The following KCNQ1 variants were observed in gnomAD, a reference collection of about 807,000 sequenced individuals.
KCNQ1 encodes potassium voltage-gated channel subfamily KQT member 1.
KCNQ1 carries 49 observed loss-of-function variants against 72.4 expected under a neutral mutation model. The ratio of observed to expected loss-of-function variants is 0.68; its 90% confidence interval spans 0.54 to 0.86. The LOEUF (loss-of-function observed/expected upper bound fraction) is 0.86. Ranked by LOEUF, KCNQ1 falls within the 40% of genes least tolerant of loss-of-function variation. The pLI, the probability that KCNQ1 is intolerant of heterozygous loss-of-function variation, is 0.00. For synonymous variants in KCNQ1, 450 were observed against 412.6 expected (o/e 1.09, Z -1.10); for missense variants, 790 against 945.1 (o/e 0.84, Z 2.15).
In KCNQ1 at chr11:2,815,978, G is replaced by T. The variant is rs1847605301; in HGVS notation, c.1795-31789G>T. Among the ~76,000 whole-genome samples, 1 of 152,254 alleles carries T rather than the reference G, an allele frequency of 6.6e-6. No individual in the cohort carries two copies. The highest frequency in any genetic ancestry group is 1.5e-5 in the Non-Finnish European group (1 of 68,048). ...ACCAGCCAGCTGGATATGTTCCCTTGCAGGCGGGCAGGGCTCTGGGGAGTC... is the reference window on the plus strand; with the variant it reads ...ACCAGCCAGCTGGATATGTTCCCTTTCAGGCGGGCAGGGCTCTGGGGAGTC... On this transcript the variant is annotated intron_variant, in intron 15 of 15. Transcript: ENST00000155840. The surrounding 1 kb of genome is among the most constrained non-coding windows in gnomAD (Gnocchi z 5.4).
chr11:2,827,497 C>T lies in KCNQ1; in HGVS notation c.1795-20270C>T, dbSNP rs919278967. Among the ~76,000 whole-genome samples the T allele has an allele frequency of 1.8e-4, 28 of 152,118 alleles. No individual in the cohort carries two copies. Among genetic ancestry groups the T allele is most frequent in the African/African-American group, 6.8e-4 (28 of 41,436 alleles). On this transcript the variant is annotated intron_variant, in intron 15 of 15. Transcript: ENST00000155840. This position sits in a 1 kb window ranked among gnomAD's most constrained non-coding sequence, Gnocchi z 6.7. ...TAAAACCCTACACAGAAGCGGCCCA[C>T]GTCATCCCCCTTTCTGTCCACCCGC...
Position 2,583,562 on chromosome 11 carries a change from T to C in KCNQ1, c.1032+17T>C. On this transcript the variant is annotated intron_variant, in intron 7 of 15. Coordinates refer to ENST00000155840, the MANE Select transcript of KCNQ1 (RefSeq NM_000218.3). ...CTCCCAGCGGTAGGTGCCCCGTGGGTGCGTTTTCCCTGGCTCCTTGGACAG... is the reference window on the plus strand; with the variant it reads ...CTCCCAGCGGTAGGTGCCCCGTGGGCGCGTTTTCCCTGGCTCCTTGGACAG... 6.4e-7 allele frequency: 1 copy of C among 1,572,806 alleles called. No individual in the cohort carries two copies. Among genetic ancestry groups the C allele is most frequent in the East Asian group, 2.2e-5 (1 of 44,656 alleles).
chr11:2,610,659 C>T (rs1403366091), intron 10 of KCNQ1: 3 of 363,802 alleles, frequency 8.2e-6, no homozygotes, highest in Non-Finnish European at 9.4e-6. Context: ...TCTGGGAATG[C>T]TTTTATTTTG....
At chr11:2,455,398 A>G (rs1369002242) in intron 1 of KCNQ1, among the ~76,000 whole-genome samples, 1 of 152,156 alleles carries the variant, frequency 6.6e-6, no homozygotes, top group African/African-American at 2.4e-5. Flanking sequence ...TGCCTGGCCA[A>G]TCAGCAGCAT....
rs556508655 is a variant in KCNQ1 at position 2,661,794 on chromosome 11, A to G, written c.1394-167A>G. ...TGTCAGGCACTTTGGGGCCATCTTAAACACCCACCCACCCCAACACCCAAC... is the reference window on the plus strand; with the variant it reads ...TGTCAGGCACTTTGGGGCCATCTTAGACACCCACCCACCCCAACACCCAAC... On this transcript the variant is annotated intron_variant, in intron 10 of 15. Coordinates refer to ENST00000155840, the MANE Select transcript of KCNQ1 (RefSeq NM_000218.3). The surrounding 1 kb of genome is among the most constrained non-coding windows in gnomAD (Gnocchi z 5.9). The G allele has an allele frequency of 2.6e-6, 2 of 774,388 alleles. No individual in the cohort carries two copies. The highest frequency in any genetic ancestry group is 2.7e-5 in the East Asian group (1 of 37,546). 48.0% of individuals were successfully genotyped at this position (774,388 alleles called of 1,614,324 possible). A position where few individuals can be genotyped will look rare whatever the true frequency, so the allele number is the denominator to read the frequency against.
intron 15 of KCNQ1, among the ~76,000 whole-genome samples, chr11:2,778,327 C>T (rs1230271385): frequency 6.6e-6 from 1 of 152,242 alleles, no homozygotes; most frequent in Non-Finnish European, 1.5e-5. Flanking sequence ...AGCTCTTTCC[C>T]GCTGCCTCTC....
rs2133627267 is a variant in KCNQ1 at position 2,491,547 on chromosome 11, A to G, written c.387-36381A>G. On this transcript the variant is annotated intron_variant, in intron 1 of 15. Coordinates refer to ENST00000155840, the MANE Select transcript of KCNQ1 (RefSeq NM_000218.3). This position sits in a 1 kb window ranked among gnomAD's most constrained non-coding sequence, Gnocchi z 4.1. ...ATATTTGTAAATACACAGAGGAGAC[A>G]GAATAAGAACGAATGAAGCATGATC... Among the ~76,000 whole-genome samples, 1 of 152,346 alleles carries G rather than the reference A, an allele frequency of 6.6e-6. No homozygotes were observed. Among genetic ancestry groups the G allele is most frequent in the African/African-American group, 2.4e-5 (1 of 41,582 alleles).
At chr11:2,796,648 C>T (rs983405889) in intron 15 of KCNQ1, among the ~76,000 whole-genome samples, 28 of 152,334 alleles carry the variant, frequency 1.8e-4, no homozygotes, top group African/African-American at 6.5e-4. Flanking sequence ...TGTCTCCCTG[C>T]GTCAGAGCTG....
intron 11 of KCNQ1, among the ~76,000 whole-genome samples, chr11:2,744,914 C>A (rs1033829822): frequency 6.6e-6 from 1 of 152,010 alleles, no homozygotes. Context: ...CTATGGTGGT[C>A]GATGGTGTCA....
chr11:2,835,808 G>A lies in KCNQ1; in HGVS notation c.1795-11959G>A, dbSNP rs181762388. On this transcript the variant is annotated intron_variant, in intron 15 of 15. Coordinates refer to ENST00000155840, the MANE Select transcript of KCNQ1 (RefSeq NM_000218.3). ...ACAGAGGAAAAGCCTTCCTCATGGAGGCGGCGGGGCAGCGGGCTCAGCCTG... is the reference window on the plus strand; with the variant it reads ...ACAGAGGAAAAGCCTTCCTCATGGAAGCGGCGGGGCAGCGGGCTCAGCCTG... Among the ~76,000 whole-genome samples, 536 of 152,286 alleles carry A rather than the reference G, an allele frequency of 3.5e-3. 4 individuals are homozygous for A. Among genetic ancestry groups the A allele is most frequent in the African/African-American group, 0.012 (504 of 41,556 alleles).
At chr11:2,638,414 T>C (rs1849514835) in intron 10 of KCNQ1, 1 of 152,208 alleles carries the variant, frequency 6.6e-6, no homozygotes, top group Non-Finnish European at 1.5e-5. Context: ...TAAAGGATTT[T>C]ATTTCTCCTT....
chr11:2,557,987 G>A (rs1354964604), intron 2 of KCNQ1, among the ~76,000 whole-genome samples: 2 of 152,206 alleles, frequency 1.3e-5, no homozygotes, highest in African/African-American at 4.8e-5. Context: ...CATGTTCTCT[G>A]ATCAAAACCC....
chr11:2,548,979 C>T (rs1449038576), intron 2 of KCNQ1, among the ~76,000 whole-genome samples: 2 of 152,188 alleles, frequency 1.3e-5, no homozygotes, highest in African/African-American at 4.8e-5. Flanking sequence ...CTGAAAAATC[C>T]TCACTTTGGA....
chr11:2,688,669 C>A (rs1288615600), intron 11 of KCNQ1: 5 of 398,668 alleles, frequency 1.3e-5, no homozygotes, highest in Non-Finnish European at 2.2e-5. Context: ...CTGCTTCGTT[C>A]ATTTCCACAC....
intron 1 of KCNQ1, among the ~76,000 whole-genome samples, chr11:2,454,201 A>C (rs1317865880): frequency 2.0e-5 from 3 of 152,158 alleles, no homozygotes; most frequent in African/African-American, 7.2e-5. Flanking sequence ...CAAATCTTAA[A>C]AGTTTACCTC....
chr11:2,521,327 G>A (rs1847378682), intron 1 of KCNQ1, among the ~76,000 whole-genome samples: 1 of 152,196 alleles, frequency 6.6e-6, no homozygotes, highest in South Asian at 2.1e-4. Context: ...TGCGACGGTG[G>A]ATTTCGCTGC....
chr11:2,789,118 C>T (rs532685556), intron 15 of KCNQ1, among the ~76,000 whole-genome samples: 28 of 152,326 alleles, frequency 1.8e-4, no homozygotes, highest in Non-Finnish European at 2.8e-4. Context: ...ACCTCTGAAC[C>T]GCAGCCCAGC....
intron 11 of KCNQ1, among the ~76,000 whole-genome samples, chr11:2,701,341 CA>C: frequency 6.6e-6 from 1 of 152,212 alleles, no homozygotes; most frequent in East Asian, 1.9e-4. Flanking sequence ...GCCTCCTGCT[CA>C]GCCCACAGGC....
chr11:2,685,500 C>T (rs555877707), intron 11 of KCNQ1: 1 of 398,896 alleles, frequency 2.5e-6, no homozygotes, highest in Non-Finnish European at 4.4e-6. Flanking sequence ...AAGTTGCTCA[C>T]ATCCAGACAG....
Sources: gnomAD v4.1 joint callset for allele counts (sites outside exome capture counted in the v4.1 genomes callset) on GRCh38, gnomAD v4.1.1 for gene constraint, Gnocchi (gnomAD v3.1) non-coding constraint, MANE v1.5 for transcripts, NCBI Gene and HGNC (gene_info 2026-07-23, HGNC 2026-07-21) for gene names.